The following SARDH variants were observed in gnomAD, a reference collection of about 807,000 sequenced individuals.
The protein encoded by SARDH is sarcosine dehydrogenase, mitochondrial.
Under a neutral mutation model 109.1 loss-of-function variants are expected in SARDH, and 95 were observed. That is an observed-to-expected ratio of 0.87 (90% CI 0.74 to 1.03). The LOEUF (loss-of-function observed/expected upper bound fraction) is 1.03, where lower values mean the gene tolerates loss of function less well. SARDH is among the 50% of genes least tolerant of loss of function. The probability of loss-of-function intolerance (pLI) is 0.00; values close to 1 mark genes in which losing one functional copy is unlikely to be tolerated. For missense variants in SARDH, 1,267 were observed against 1,287.8 expected, an observed-to-expected ratio of 0.98 and a Z score of 0.25; for synonymous variants, 572 against 534.8, an observed-to-expected ratio of 1.07 and a Z score of -0.96.
rs774668510 is a variant in SARDH, at chr9:133,694,389, AAGCCGGGTCTGTGCTGAGGCCCC to A, written c.1808-41_1808-19del. 2.0e-4 allele frequency: 315 copies of A among 1,544,276 alleles called. No homozygotes were observed. Among genetic ancestry groups the A allele is most frequent in the Admixed American group, 3.7e-4 (19 of 50,958 alleles). ...GGTGGAGCCTGCGAGAGGGAGAAGG[AAGCCGGGTCTGTGCTGAGGCCCC>A]AGCCGGGTCTGTGCTGCCTCAGTTT... On this transcript the variant is annotated intron_variant, in intron 14 of 20. Transcript: ENST00000439388.
intron 13 of SARDH, among the ~76,000 whole-genome samples, chr9:133,700,385 GAC>G (rs1331765724): frequency 1.3e-5 from 2 of 152,036 alleles, no homozygotes; most frequent in Non-Finnish European, 2.9e-5. Context: ...ATGAAGTGCT[GAC>G]ACACACACTA....
chr9:133,668,315 C>T (rs1331565436), intron 19 of SARDH, among the ~76,000 whole-genome samples: 1 of 133,054 alleles, frequency 7.5e-6, no homozygotes, highest in Admixed American at 7.9e-5. Flanking sequence ...CTCCCTCTCC[C>T]CCACCCTCCC....
intron 1 of SARDH, among the ~76,000 whole-genome samples, 153 bp from the exon 2 acceptor site, chr9:133,734,356 T>C (rs796525589): frequency 6.6e-6 from 1 of 151,708 alleles, no homozygotes; most frequent in African/African-American, 2.4e-5. Flanking sequence ...CATTCATTCA[T>C]TCATTCACTC....
At chr9:133,735,091 C>T (rs368084139) in intron 1 of SARDH, among the ~76,000 whole-genome samples, 3 of 152,146 alleles carry the variant, frequency 2.0e-5, no homozygotes, top group African/African-American at 7.2e-5. Context: ...CAGCAGTGGC[C>T]GCAGGGTATC....
At chr9:133,713,700 G>A (rs190863182) in intron 8 of SARDH, among the ~76,000 whole-genome samples, 6 of 152,364 alleles carry the variant, frequency 3.9e-5, no homozygotes, top group Admixed American at 2.0e-4. Flanking sequence ...GCCAGGACAC[G>A]GTGGGAGGGG....
At chr9:133,670,846 A>G (rs898476326) in intron 18 of SARDH, 94 bp from the exon 19 acceptor site, 1 of 1,415,394 alleles carries the variant, frequency 7.1e-7, no homozygotes, top group Middle Eastern at 2.2e-4. Context: ...CACCCCCTCC[A>G]GCCCCTAGCC....
rs1588442959 is a variant in SARDH at position 133,718,385 on chromosome 9, T to TGC, written c.1020+552_1020+553insGC. ...CCGTGCCCAGCCATTTGTTTGTTTA[T>TGC]TGTATGTCTCTCCACCAAAATATAG... On this transcript the variant is annotated intron_variant, in intron 7 of 20. Coordinates refer to ENST00000439388, the MANE Select transcript of SARDH (RefSeq NM_001134707.2). This position sits in a 1 kb window ranked among gnomAD's most constrained non-coding sequence, Gnocchi z 4.2. 2.7e-6 allele frequency: 1 copy of TGC among 365,248 alleles called. No homozygotes were observed. Among genetic ancestry groups the TGC allele is most frequent in the East Asian group, 5.3e-5 (1 of 18,932 alleles). The allele number at this position is 365,248 out of a possible 1,614,324, so 22.6% of individuals were successfully genotyped here.
intron 17 of SARDH, among the ~76,000 whole-genome samples, chr9:133,680,933 G>C (rs1564244547): frequency 6.6e-6 from 1 of 152,242 alleles, no homozygotes; most frequent in Non-Finnish European, 1.5e-5. Context: ...CTCACCCCCA[G>C]TCTGTCCCCG....
At chr9:133,725,601 G>T in intron 6 of SARDH, 1 of 388,912 alleles carries the variant, frequency 2.6e-6, no homozygotes, top group South Asian at 1.8e-5. Flanking sequence ...GCTTGAACCC[G>T]GGAGGCGGAG....
At position 133,732,498 on chromosome 9, in the gene SARDH, C is replaced by T. The variant is rs770210050; in HGVS notation, c.435G>A (p.Thr145=). The T allele has an allele frequency of 8.1e-6, 13 of 1,613,628 alleles. No individual in the cohort carries two copies. Among genetic ancestry groups the T allele is most frequent in the Admixed American group, 5.0e-5 (3 of 59,986 alleles). The change falls in exon 3 of 21, where the codon ACG becomes ACA. Residue 145 remains threonine (T), a synonymous_variant. Transcript: ENST00000439388. ...AGAGGCCCCCATTCTGGATCCAGCC[C>T]GTGTGTAGTCCCGTCTCCTCCTCCA... ...RELEEETGLH[T]GWIQNGGLFI...
chr9:133,668,333 C>T (rs1261113690), intron 19 of SARDH, among the ~76,000 whole-genome samples: 1 of 125,388 alleles, frequency 8.0e-6, no homozygotes, highest in Admixed American at 7.6e-5. Flanking sequence ...CCCTCTCCCT[C>T]TCCCTCATTC....
At chr9:133,696,395 G>A in intron 13 of SARDH, 34 bp from the exon 14 acceptor site, 1 of 1,613,354 alleles carries the variant, frequency 6.2e-7, no homozygotes, top group South Asian at 1.1e-5. Flanking sequence ...AATGCCACGG[G>A]GGCCTTTGGG....
chr9:133,666,241 G>A lies in SARDH; in HGVS notation c.2631+494C>T, dbSNP rs1478332117. ...AACATGGGTCTCTGAGTCTCTAGTC[G>A]GTCACCCTGGGGGCCACCCCTGCAC... On this transcript the variant is annotated intron_variant, in intron 20 of 20. Coordinates refer to ENST00000439388, the MANE Select transcript of SARDH (RefSeq NM_001134707.2). The surrounding 1 kb of genome is among the most constrained non-coding windows in gnomAD (Gnocchi z 5.2). 6.6e-6 allele frequency among the ~76,000 whole-genome samples: 1 copy of A among 152,012 alleles called. No individual in the cohort carries two copies. Among genetic ancestry groups the A allele is most frequent in the Non-Finnish European group, 1.5e-5 (1 of 67,968 alleles).
At chr9:133,664,517 G>A (rs953928789) in intron 20 of SARDH, among the ~76,000 whole-genome samples, 1 of 152,208 alleles carries the variant, frequency 6.6e-6, no homozygotes, top group Admixed American at 6.5e-5. Context: ...AGCCCCAGGT[G>A]CAGGTGCTCT....
rs777701002 is a variant in SARDH, at chr9:133,693,085, C to G, written c.1921+1173G>C. ...CACCCTGGCCCCCAATATCCCACCC[C>G]CTCCGGTCTTCATTTTTCCTCTTGA... On this transcript the variant is annotated intron_variant, in intron 15 of 20. Coordinates refer to ENST00000439388, the MANE Select transcript of SARDH (RefSeq NM_001134707.2). This position sits in a 1 kb window ranked among gnomAD's most constrained non-coding sequence, Gnocchi z 5.6. 2.6e-5 allele frequency among the ~76,000 whole-genome samples: 4 copies of G among 152,034 alleles called. No individual in the cohort carries two copies. The highest frequency in any genetic ancestry group is 4.2e-4 in the South Asian group (2 of 4,814).
chr9:133,733,833 C>A lies in SARDH; in HGVS notation c.331+10G>T. 1 of 1,451,034 alleles carries A rather than the reference C, an allele frequency of 6.9e-7. No individual in the cohort carries two copies. Among genetic ancestry groups the A allele is most frequent in the African/African-American group, 1.4e-5 (1 of 69,780 alleles). 89.9% of individuals were successfully genotyped at this position (1,451,034 alleles called of 1,614,324 possible). A position where few individuals can be genotyped will look rare whatever the true frequency, so the allele number is the denominator to read the frequency against. ...TCCTTCCCTGCCCCTACCTGGCCCC[C>A]GGTCCCTACCTGCCGTGTGCCAGGT... On this transcript the variant is annotated intron_variant, in intron 2 of 20. Coordinates refer to ENST00000439388, the MANE Select transcript of SARDH (RefSeq NM_001134707.2).
intron 20 of SARDH, among the ~76,000 whole-genome samples, 179 bp from the exon 21 acceptor site, chr9:133,664,193 T>C (rs536617782): frequency 3.3e-5 from 5 of 152,310 alleles, no homozygotes; most frequent in Admixed American, 1.3e-4. Context: ...GCAGTTCGTG[T>C]CCATGTGATC....
At chr9:133,739,048 G>A (rs1407602530), upstream of SARDH, among the ~76,000 whole-genome samples, 1 of 152,188 alleles carries the variant, frequency 6.6e-6, no homozygotes, top group South Asian at 2.1e-4. Context: ...GGAGGAGGCA[G>A]ACCGGATGCT....
intron 14 of SARDH, among the ~76,000 whole-genome samples, chr9:133,696,014 G>C (rs1831273716): frequency 6.6e-6 from 1 of 151,928 alleles, no homozygotes; most frequent in Admixed American, 6.6e-5. Flanking sequence ...AAGGAAGGCA[G>C]GAGGGAGAGG....
Sources: allele counts gnomAD v4.1 joint callset (sites outside exome capture counted in the v4.1 genomes callset), GRCh38; gene constraint gnomAD v4.1.1; non-coding constraint Gnocchi (gnomAD v3.1); transcripts MANE v1.5; gene names NCBI Gene and HGNC (gene_info 2026-07-23, HGNC 2026-07-21).